TRANK1: variants seen among roughly 807,000 people sequenced by gnomAD.
TRANK1 encodes the protein TPR and ankyrin repeat-containing protein 1.
In TRANK1, 198 loss-of-function variants were observed where a neutral mutation model predicts 266.0. The ratio of observed to expected loss-of-function variants is 0.74; its 90% CI spans 0.66 to 0.84. TRANK1 has a LOEUF of 0.84. Ranked by LOEUF, TRANK1 falls within the 40% of genes least tolerant of loss-of-function variation. The pLI, the probability that TRANK1 is intolerant of heterozygous loss-of-function variation, is 0.00. For missense variants in TRANK1, 3,326 were observed against 3,634.6 expected, an observed-to-expected ratio of 0.92 and a Z score of 2.18; for synonymous variants, 1,396 against 1,384.1, an observed-to-expected ratio of 1.01 and a Z score of -0.19.
chr3:36,922,354 C>T (rs2080227717), intron 1 of TRANK1, among the ~76,000 whole-genome samples: 1 of 151,982 alleles, frequency 6.6e-6, no homozygotes, highest in African/African-American at 2.4e-5. Flanking sequence ...GCCTGTAATC[C>T]CAGCACTTTG....
At chr3:36,943,288 A>C (rs563490658) in intron 1 of TRANK1, among the ~76,000 whole-genome samples, 2 of 152,106 alleles carry the variant, frequency 1.3e-5, no homozygotes, top group African/African-American at 4.8e-5. Context: ...GCAATTTTAC[A>C]TGTGTATGTG....
rs775397087 is a variant in TRANK1, at chr3:36,852,221, A to G, written c.4674T>C (p.Cys1558=). 1 of 1,613,256 alleles carries G rather than the reference A, an allele frequency of 6.2e-7. No individual in the cohort carries two copies. The highest frequency in any genetic ancestry group is 1.1e-5 in the South Asian group (1 of 90,878). ...GCAAAATTGCCAAGTCGCTTACACTACAAGACTCCAGAACAGTTGGCTTAG... is the reference window on the plus strand; with the variant it reads ...GCAAAATTGCCAAGTCGCTTACACTGCAAGACTCCAGAACAGTTGGCTTAG... The part of the protein sequence containing the change: ...DGPKPTVLES[C]SVSDLAILLR... Residue 1558 remains cysteine, a synonymous_variant, in exon 14 of 24, where the codon TGT becomes TGC. Transcript: ENST00000645898.
At chr3:36,842,279 T>G (rs768188449) in intron 18 of TRANK1, among the ~76,000 whole-genome samples, 7 of 152,240 alleles carry the variant, frequency 4.6e-5, no homozygotes, top group Admixed American at 2.0e-4. Flanking sequence ...TTTACTGCTT[T>G]AAAATGCAGT....
At chr3:36,940,597 A>C (rs1354192984) in intron 1 of TRANK1, among the ~76,000 whole-genome samples, 2 of 151,836 alleles carry the variant, frequency 1.3e-5, no homozygotes, top group Non-Finnish European at 2.9e-5. Context: ...CCACCTGTTT[A>C]GGTACAGCTC....
chr3:36,847,251 T>A lies in TRANK1; in HGVS notation c.4983A>T (p.Lys1661Asn), dbSNP rs2078927529. 1 of 1,613,612 alleles carries A rather than the reference T, an allele frequency of 6.2e-7. No individual in the cohort carries two copies. Among genetic ancestry groups the A allele is most frequent in the Non-Finnish European group, 8.5e-7 (1 of 1,179,738 alleles). The change falls in exon 16 of 24, where the codon AAA becomes AAT. Residue 1661 changes from lysine to asparagine, a missense_variant. By Grantham distance (94) the Lys-to-Asn change is moderately conservative. Coordinates refer to ENST00000645898, the MANE Select transcript of TRANK1 (RefSeq NM_001329998.2). ...GAGATCGACCCTGAGAAGAGCCTGG[T>A]TTGTCCAGGGGTACTTCAACCAATG... is the stretch of plus-strand genomic sequence containing the variant. ...NRPLVEVPLD[K>N]PGSSQGRSLM...
In TRANK1 at chr3:36,923,256, A is replaced by ATTT. The variant is rs34869381; in HGVS notation, c.24-14805_24-14803dup. ...TCTCCACCTACAACTGTCTTGGTAA[A>ATTT]TTTTTTTTTTTTTTTTGAGGTGGAG... On this transcript the variant is annotated intron_variant, in intron 1 of 23. Coordinates refer to ENST00000645898, the MANE Select transcript of TRANK1 (RefSeq NM_001329998.2). Among the ~76,000 whole-genome samples the ATTT allele has an allele frequency of 4.7e-3, 666 of 141,012 alleles. 10 individuals are homozygous for ATTT. The highest frequency in any genetic ancestry group is 8.5e-3 in the South Asian group (38 of 4,460). 92.5% of individuals were successfully genotyped at this position (141,012 alleles called of 152,430 possible).
chr3:36,892,318 T>C lies in TRANK1; in HGVS notation c.659A>G (p.Tyr220Cys). 6.5e-7 allele frequency: 1 copy of C among 1,537,074 alleles called. No individual in the cohort carries two copies. Among genetic ancestry groups the C allele is most frequent in the Non-Finnish European group, 8.7e-7 (1 of 1,146,872 alleles). The change falls in exon 7 of 24, where the codon TAT becomes TGT. Residue 220 changes from tyrosine (Y) to cysteine (C), a missense_variant. By Grantham distance (194) the Tyr-to-Cys change is radical. Transcript: ENST00000645898. ...CTTGGGCACTTGTTCCATCTTCTCATAAAGTCCAATGAAAACGTATTTCTG... is the reference window on the plus strand; with the variant it reads ...CTTGGGCACTTGTTCCATCTTCTCACAAAGTCCAATGAAAACGTATTTCTG... Reference protein sequence around the residue: ...LFEKYVFIGLYEKMEQVPKLV... With the variant: ...LFEKYVFIGLCEKMEQVPKLV...
At chr3:36,916,594 C>G (rs2080127430) in intron 1 of TRANK1, among the ~76,000 whole-genome samples, 1 of 152,176 alleles carries the variant, frequency 6.6e-6, no homozygotes, top group East Asian at 1.9e-4. Context: ...ATTGATACTT[C>G]CAGATCATCC....
intron 1 of TRANK1, among the ~76,000 whole-genome samples, chr3:36,940,455 G>A (rs1214580711): frequency 4.0e-5 from 6 of 151,182 alleles, no homozygotes; most frequent in African/African-American, 9.7e-5. Flanking sequence ...AGCTGAGATC[G>A]TGCCACTGCA....
intron 18 of TRANK1, 131 bp downstream of exon 18, chr3:36,842,491 G>T: frequency 1.3e-6 from 1 of 771,404 alleles, no homozygotes; most frequent in Non-Finnish European, 2.2e-6. Flanking sequence ...GTGACCTGAT[G>T]TTTCAGAACA....
At chr3:36,924,958 G>A (rs11129744) in intron 1 of TRANK1, among the ~76,000 whole-genome samples, 53,286 of 151,824 alleles carry the variant, frequency 0.35, 10,345 homozygotes, top group Non-Finnish European at 0.45. Flanking sequence ...GCAGAGGTGA[G>A]GAAGAATTCA....
chr3:36,922,818 C>T (rs2080234571), intron 1 of TRANK1, among the ~76,000 whole-genome samples: 1 of 151,910 alleles, frequency 6.6e-6, no homozygotes, highest in Non-Finnish European at 1.5e-5. Flanking sequence ...TTCCTCAATT[C>T]CTCAGTCACT....
intron 10 of TRANK1, 86 bp from the exon 11 acceptor site, chr3:36,861,246 A>C: frequency 1.4e-6 from 2 of 1,422,760 alleles, no homozygotes; most frequent in South Asian, 2.9e-5. Context: ...ATCCATATAT[A>C]ATTAACACGG....
At chr3:36,876,302 A>G (rs2079387475) in intron 8 of TRANK1, among the ~76,000 whole-genome samples, 1 of 152,250 alleles carries the variant, frequency 6.6e-6, no homozygotes, top group Admixed American at 6.5e-5. Context: ...CTTAACCAGG[A>G]TCTGGCCATT....
At chr3:36,852,832 G>A (rs1301677401) in intron 13 of TRANK1, among the ~76,000 whole-genome samples, 3 of 150,800 alleles carry the variant, frequency 2.0e-5, no homozygotes, top group African/African-American at 4.9e-5. Flanking sequence ...CTCATAAGGG[G>A]CTGGTATTGA....
At chr3:36,830,122 C>A (rs1312426905) in intron 22 of TRANK1, among the ~76,000 whole-genome samples, 2 of 152,136 alleles carry the variant, frequency 1.3e-5, no homozygotes, top group African/African-American at 4.8e-5. Flanking sequence ...TGAGACCAGC[C>A]TGGCCAACAT....
rs760057048 is a variant in TRANK1 at position 36,833,173 on chromosome 3, A to G, written c.6410T>C (p.Ile2137Thr). 3 of 1,613,798 alleles carry G rather than the reference A, an allele frequency of 1.9e-6. No individual in the cohort carries two copies. In the South Asian group the frequency reaches 3.3e-5, roughly 18 times the overall value. ...CQIAQNDPGPILRIIFDLDLN... is the reference protein window; with the variant it reads ...CQIAQNDPGPTLRIIFDLDLN... ...ATCCAGGTCAAAAATTATTCTTAATATGGGCCCAGGGTCATTCTGAGCTAT... is the reference window on the plus strand; with the variant it reads ...ATCCAGGTCAAAAATTATTCTTAATGTGGGCCCAGGGTCATTCTGAGCTAT... The change falls in exon 22 of 24, where the codon ATA (isoleucine) becomes ACA (threonine). Residue 2137 changes from isoleucine (I) to threonine (T), a missense_variant. Coordinates refer to ENST00000645898, the MANE Select transcript of TRANK1 (RefSeq NM_001329998.2).
At chr3:36,850,303 A>G (rs918642373) in intron 15 of TRANK1, 24 of 985,360 alleles carry the variant, frequency 2.4e-5, no homozygotes, top group African/African-American at 1.6e-4. Flanking sequence ...AGGAATGTAC[A>G]TAAGGAACAG....
intron 1 of TRANK1, among the ~76,000 whole-genome samples, chr3:36,908,964 G>A (rs976854223): frequency 1.3e-5 from 2 of 152,106 alleles, no homozygotes; most frequent in Admixed American, 6.5e-5. Context: ...ACCACATCAC[G>A]TATTGGTAAA....
Sources: gnomAD v4.1 joint callset for allele counts (sites outside exome capture counted in the v4.1 genomes callset) on GRCh38, gnomAD v4.1.1 for gene constraint, MANE v1.5 for transcripts, NCBI Gene and HGNC (gene_info 2026-07-23, HGNC 2026-07-21) for gene names.